Variants in CLIP1 observed in about 807,000 individuals in gnomAD.
CLIP1 encodes the protein CAP-Gly domain-containing linker protein 1.
CLIP1 carries 66 observed loss-of-function variants against 161.6 expected under a neutral mutation model. That is an observed-to-expected ratio of 0.41 (90% CI 0.33 to 0.50). The LOEUF (loss-of-function observed/expected upper bound fraction) is 0.50. CLIP1 is among the 20% of genes least tolerant of loss of function. The pLI is 0.27. For synonymous variants in CLIP1, 598 were observed against 626.2 expected (o/e 0.96, Z 0.67); for missense variants, 1,376 against 1,702.0 (o/e 0.81, Z 3.37).
At chr12:122,395,720 T>C (rs1240365366) in intron 1 of CLIP1, 1 of 152,214 alleles carries the variant, frequency 6.6e-6, no homozygotes, top group Non-Finnish European at 1.5e-5. Flanking sequence ...CATGTACGCA[T>C]ATCTGTATTA....
At chr12:122,403,494 GTTTT>G (rs1956209526) in intron 1 of CLIP1, among the ~76,000 whole-genome samples, 2 of 55,816 alleles carry the variant, frequency 3.6e-5, no homozygotes, top group African/African-American at 9.6e-5. Flanking sequence ...ATCATTTCTT[GTTTT>G]GTTTTTTTTT....
In CLIP1 at chr12:122,309,814, T is replaced by A; in HGVS notation, c.3542A>T (p.Lys1181Ile). 4.3e-6 allele frequency: 7 copies of A among 1,613,682 alleles called. No homozygotes were observed. The highest frequency in any genetic ancestry group is 5.9e-6 in the Non-Finnish European group (7 of 1,180,030). ...GCTTCTCCCCAGCTCCTCAGCAAGT[T>A]TAACGTTCTCTTCTTGCAACGCTGA... ...QLSALQEENV[K>I]LAEELGRSRD... Residue 1181 changes from lysine to isoleucine, a missense_variant, in exon 20 of 26, where the codon AAA becomes ATA. Lys to Ile is a moderately radical substitution (Grantham distance 102, BLOSUM62 -3). This residue lies in a region of CLIP1 where 948 missense variants were observed against 1,134.8 expected (regional missense o/e 0.84). Transcript: ENST00000620786.
intron 9 of CLIP1, 86 bp from the exon 10 acceptor site, chr12:122,347,565 G>A (rs1167852532): frequency 1.0e-6 from 1 of 982,780 alleles, no homozygotes; most frequent in African/African-American, 1.6e-5. Flanking sequence ...CATGCAGGCT[G>A]AGCCACCAGT....
intron 1 of CLIP1, chr12:122,400,869 T>C (rs1268778444): frequency 3.3e-5 from 5 of 151,592 alleles, no homozygotes; most frequent in Non-Finnish European, 5.9e-5. Flanking sequence ...CTCTAAACAC[T>C]TGATAAACAC....
chr12:122,331,106 C>T (rs1379908893), intron 15 of CLIP1, among the ~76,000 whole-genome samples: 1 of 151,768 alleles, frequency 6.6e-6, no homozygotes, highest in East Asian at 1.9e-4. Context: ...CCTCCACCTC[C>T]CGGGTCCAAC....
chr12:122,301,258 A>T (rs528348106), intron 20 of CLIP1, among the ~76,000 whole-genome samples: 1 of 152,346 alleles, frequency 6.6e-6, no homozygotes, highest in East Asian at 1.9e-4. Flanking sequence ...ATCGAGGTTA[A>T]ACTCCCTGAA....
intron 1 of CLIP1, among the ~76,000 whole-genome samples, chr12:122,381,652 G>A (rs1382522167): frequency 1.3e-5 from 2 of 152,104 alleles, no homozygotes; most frequent in Non-Finnish European, 1.5e-5. Flanking sequence ...TTTTCTCTGC[G>A]AGCAGAGCTT....
At chr12:122,394,211 C>T (rs1443661213) in intron 1 of CLIP1, among the ~76,000 whole-genome samples, 10 of 151,936 alleles carry the variant, frequency 6.6e-5, no homozygotes, top group Admixed American at 2.6e-4. Context: ...GAAAAGGGGC[C>T]GGGCGTGGTG....
chr12:122,408,294 G>C (rs752936561), intron 1 of CLIP1, among the ~76,000 whole-genome samples: 1 of 150,718 alleles, frequency 6.6e-6, no homozygotes, highest in African/African-American at 2.4e-5. Flanking sequence ...AGTTGCTATA[G>C]GTCTTGAGAG....
At chr12:122,299,977 G>C (rs867251690) in intron 20 of CLIP1, among the ~76,000 whole-genome samples, 1 of 151,994 alleles carries the variant, frequency 6.6e-6, no homozygotes, top group South Asian at 2.1e-4. Context: ...CCACAACTAG[G>C]CTGGGTGTGA....
chr12:122,306,193 G>T (rs2136467272), intron 20 of CLIP1, among the ~76,000 whole-genome samples: 1 of 152,088 alleles, frequency 6.6e-6, no homozygotes, highest in East Asian at 1.9e-4. Context: ...ACTCGAACTG[G>T]CTTCCTTGGT....
Position 122,400,874 on chromosome 12 carries a change from A to C in CLIP1, c.-106-20316T>G, listed in dbSNP as rs1327051354. 3.0e-4 allele frequency: 46 copies of C among 152,062 alleles called. 1 individual carries two copies. In the Admixed American group the frequency reaches 3.0e-3, roughly 10 times the overall value. The allele number at this position is 152,062 out of a possible 1,614,324, so 9.4% of individuals were successfully genotyped here. A position where few individuals can be genotyped will look rare whatever the true frequency, so the allele number is the denominator to read the frequency against. On this transcript the variant is annotated intron_variant, in intron 1 of 25. Coordinates refer to ENST00000620786, the MANE Select transcript of CLIP1 (RefSeq NM_001247997.2). ...GTATCTTACACTCTAAACACTTGAT[A>C]AACACAGAAGCATTACAGGGTTTCC...
chr12:122,289,243 G>A (rs1054040841), intron 20 of CLIP1, among the ~76,000 whole-genome samples: 8 of 151,968 alleles, frequency 5.3e-5, no homozygotes, highest in Non-Finnish European at 1.0e-4. Flanking sequence ...CCAACATGGT[G>A]AAAGCCCATC....
intron 20 of CLIP1, among the ~76,000 whole-genome samples, chr12:122,288,929 C>T (rs1330816550): frequency 6.7e-6 from 1 of 149,936 alleles, no homozygotes; most frequent in Non-Finnish European, 1.5e-5. Context: ...CATTCTCCTG[C>T]CTCAGCCTCC....
At chr12:122,356,492 T>C (rs1213638581) in intron 5 of CLIP1, among the ~76,000 whole-genome samples, 1 of 151,984 alleles carries the variant, frequency 6.6e-6, no homozygotes, top group Admixed American at 6.6e-5. Flanking sequence ...GGAAATGAGG[T>C]TGGTGATGAG....
intron 6 of CLIP1, 178 bp from the exon 7 acceptor site, chr12:122,354,734 G>A (rs1195266044): frequency 1.0e-5 from 6 of 590,940 alleles, no homozygotes; most frequent in African/African-American, 7.5e-5. Flanking sequence ...GAAGATAGAT[G>A]ATGAAAGTGA....
chr12:122,334,895 A>C (rs908419260), intron 12 of CLIP1, among the ~76,000 whole-genome samples, 190 bp from the exon 13 acceptor site: 6 of 152,258 alleles, frequency 3.9e-5, no homozygotes, highest in East Asian at 1.9e-4. Flanking sequence ...TATACACACA[A>C]AAGAGTGCAG....
intron 8 of CLIP1, among the ~76,000 whole-genome samples, chr12:122,351,951 T>A (rs1436892274): frequency 6.6e-6 from 1 of 152,078 alleles, no homozygotes; most frequent in Non-Finnish European, 1.5e-5. Flanking sequence ...ATTACTTTTT[T>A]AAAAAAATTA....
At chr12:122,315,646 T>TTTTTTC (rs1555262611) in intron 19 of CLIP1, among the ~76,000 whole-genome samples, 15,061 of 143,396 alleles carry the variant, frequency 0.11, 2,577 homozygotes, top group African/African-American at 0.36. Context: ...ATTCCTTTTC[T>TTTTTTC]TTTTTTTTTT....
Sources: gnomAD v4.1 joint callset for allele counts (sites outside exome capture counted in the v4.1 genomes callset) on GRCh38, gnomAD v4.1.1 for gene constraint, gnomAD v4.1.1 regional missense constraint, MANE v1.5 for transcripts, NCBI Gene and HGNC (gene_info 2026-07-23, HGNC 2026-07-21) for gene names.